The following CD72 variants were observed in gnomAD, a reference collection of about 807,000 sequenced individuals.
The protein encoded by CD72 is CD72 molecule, also known as B-cell differentiation antigen CD72.
A neutral mutation model predicts 50.7 loss-of-function variants in CD72; 28 were observed. The ratio of observed to expected loss-of-function variants is 0.55; its 90% CI spans 0.41 to 0.76. The LOEUF (loss-of-function observed/expected upper bound fraction) is 0.76. Ranked by LOEUF, CD72 falls within the 30% of genes least tolerant of loss-of-function variation. The probability of loss-of-function intolerance (pLI) is 0.00; values close to 1 mark genes in which losing one functional copy is unlikely to be tolerated. For missense variants in CD72, 403 were observed against 420.6 expected, an observed-to-expected ratio of 0.96 and a Z score of 0.37; for synonymous variants, 176 against 171.2, an observed-to-expected ratio of 1.03 and a Z score of -0.22.
At chr9:35,615,922 T>A in intron 5 of CD72, 21 bp downstream of exon 5, 8 of 1,590,680 alleles carry the variant, frequency 5.0e-6, no homozygotes, top group Non-Finnish European at 6.9e-6. Flanking sequence ...CTCCCTTCTC[T>A]CCTCTCCCCA....
At chr9:35,644,273 G>A (rs1823366275) in intron 1 of CD72, among the ~76,000 whole-genome samples, 1 of 150,854 alleles carries the variant, frequency 6.6e-6, no homozygotes, top group Non-Finnish European at 1.5e-5. Context: ...TTGAAACCAG[G>A]GGTGGGGTGG....
chr9:35,617,018 C>T (rs1394272577), intron 3 of CD72, 158 bp downstream of exon 3: 4 of 1,454,478 alleles, frequency 2.8e-6, no homozygotes, highest in Non-Finnish European at 3.6e-6. Context: ...TTCAGGCGCA[C>T]CGGATGAAGG....
At chr9:35,624,214 AAATAATAATAATAATAATAATAATAAT>A (rs58480562), upstream of CD72, among the ~76,000 whole-genome samples, 1 of 137,854 alleles carries the variant, frequency 7.3e-6, no homozygotes, top group African/African-American at 2.7e-5. Flanking sequence ...TCTGTCTCAA[AAATAATAATAATAATAATAATAATAAT>A]AATAATAATA....
chr9:35,639,210 T>C (rs1823318189), intron 1 of CD72, among the ~76,000 whole-genome samples: 1 of 151,944 alleles, frequency 6.6e-6, no homozygotes, highest in African/African-American at 2.4e-5. Context: ...CCTTGGGTAA[T>C]AAAATAATAA....
upstream of CD72, chr9:35,618,755 C>G: frequency 7.8e-7 from 1 of 1,286,972 alleles, no homozygotes; most frequent in African/African-American, 1.5e-5. Context: ...GACGATCTCC[C>G]CAGCTCCAGG....
Position 35,610,717 on chromosome 9 carries a change from A to G in CD72, c.987T>C (p.His329=). ...YAQSSKCNKV[H]KTWSWWTLES... ...CCAGTGTCCACCATGACCAAGTTTTATGTACCTTGTTACATTTTGAGCTTT... is the reference window on the plus strand; with the variant it reads ...CCAGTGTCCACCATGACCAAGTTTTGTGTACCTTGTTACATTTTGAGCTTT... The change falls in exon 8 of 9, where the codon CAT becomes CAC. Residue 329 remains histidine, a synonymous_variant. Coordinates refer to ENST00000259633, the MANE Select transcript of CD72 (RefSeq NM_001782.3). 6.2e-7 allele frequency: 1 copy of G among 1,612,888 alleles called. No homozygotes were observed. The highest frequency in any genetic ancestry group is 1.1e-5 in the South Asian group (1 of 91,062).
intron 7 of CD72, 129 bp downstream of exon 7, chr9:35,611,675 A>G: frequency 3.3e-6 from 2 of 605,340 alleles, no homozygotes; most frequent in Non-Finnish European, 5.9e-6. Flanking sequence ...GGAAACAGAC[A>G]AATAGGCAAT....
At chr9:35,642,394 G>A (rs1823348524) in intron 1 of CD72, 1 of 152,172 alleles carries the variant, frequency 6.6e-6, no homozygotes, top group African/African-American at 2.4e-5. Context: ...TACATCATGA[G>A]ATGGCCACAC....
intron 1 of CD72, among the ~76,000 whole-genome samples, chr9:35,645,356 T>A (rs1223598866): frequency 6.6e-6 from 1 of 152,010 alleles, no homozygotes; most frequent in East Asian, 1.9e-4. Flanking sequence ...TCCCAGCGGG[T>A]GGATCACTTG....
upstream of CD72, among the ~76,000 whole-genome samples, chr9:35,622,940 C>G (rs1244357166): frequency 6.6e-6 from 1 of 152,052 alleles, no homozygotes; most frequent in Non-Finnish European, 1.5e-5. Context: ...GACTCCATCT[C>G]TACAAAAAAT....
At chr9:35,625,533 A>G (rs1023091759) in intron 1 of CD72, among the ~76,000 whole-genome samples, 1 of 152,272 alleles carries the variant, frequency 6.6e-6, no homozygotes, top group Non-Finnish European at 1.5e-5. Flanking sequence ...GTTATCCAGA[A>G]GATCTAACTA....
upstream of CD72, chr9:35,618,732 C>T (rs950141259): frequency 1.1e-5 from 14 of 1,262,542 alleles, no homozygotes; most frequent in Non-Finnish European, 1.5e-5. Context: ...GTAGCTGGAG[C>T]TGCACTGACC....
In CD72 at chr9:35,610,865, C is replaced by T. The variant is rs1362815601; in HGVS notation, c.951-112G>A. The T allele has an allele frequency of 2.5e-5, 20 of 805,158 alleles. 1 individual carries two copies. Among genetic ancestry groups the T allele is most frequent in the South Asian group, 2.4e-4 (15 of 63,312 alleles). 49.9% of individuals were successfully genotyped at this position (805,158 alleles called of 1,614,324 possible). ...CCTAACTCACCCTGCCTGCCTAAGG[C>T]CACATCTGGGCATGGTTCAGGACAG... On this transcript the variant is annotated intron_variant, in intron 7 of 8. Transcript: ENST00000259633.
chr9:35,619,225 G>A (rs1823118554), upstream of CD72, among the ~76,000 whole-genome samples: 1 of 152,170 alleles, frequency 6.6e-6, no homozygotes, highest in Admixed American at 6.5e-5. Context: ...GGGACCGCGA[G>A]GCCCTCATAG....
chr9:35,640,739 C>T (rs1823333131), intron 1 of CD72, among the ~76,000 whole-genome samples: 1 of 152,220 alleles, frequency 6.6e-6, no homozygotes, highest in Non-Finnish European at 1.5e-5. Context: ...CCGTAACAAA[C>T]ATGGACCAGA....
intron 1 of CD72, among the ~76,000 whole-genome samples, chr9:35,636,018 CT>C (rs1344810591): frequency 7.2e-5 from 11 of 152,128 alleles, no homozygotes; most frequent in Admixed American, 3.3e-4. Flanking sequence ...GGAACTATGA[CT>C]GGGAGTAGGA....
At position 35,618,247 on chromosome 9, in the gene CD72, C is replaced by G. The variant is rs780797293; in HGVS notation, c.57G>C (p.Lys19Asn). ...CCTGTCCTAACCGGCTGGAGATGCT[C>G]TTCTTCAGGGGAGCCTTCACAAACC... ...DLRFVKAPLKKSISSRLGQDP... is the reference protein window; with the variant it reads ...DLRFVKAPLKNSISSRLGQDP... The change falls in exon 1 of 9, where the codon AAG becomes AAC. Residue 19 changes from lysine (K) to asparagine (N), a missense_variant. By Grantham distance (94) the Lys-to-Asn change is moderately conservative. Transcript: ENST00000259633. 1.2e-6 allele frequency: 2 copies of G among 1,614,172 alleles called. No individual in the cohort carries two copies. The highest frequency in any genetic ancestry group is 1.3e-5 in the African/African-American group (1 of 75,038).
chr9:35,630,102 C>T (rs1231724391), intron 1 of CD72, among the ~76,000 whole-genome samples: 1 of 149,202 alleles, frequency 6.7e-6, no homozygotes, highest in African/African-American at 2.5e-5. Context: ...TGCAGCCGCG[C>T]GTCTCAGCTC....
In CD72 at chr9:35,628,265, G is replaced by A. The variant is rs192056773; in HGVS notation, n.409-10144C>T. Among the ~76,000 whole-genome samples, 367 of 152,326 alleles carry A rather than the reference G, an allele frequency of 2.4e-3. 7 individuals carry two copies. The highest frequency in any genetic ancestry group is 4.3e-4 in the Non-Finnish European group (29 of 68,034). On this transcript the variant is annotated intron_variant and non_coding_transcript_variant, in intron 1 of 3. Transcript: ENST00000465754. Reference sequence around the variant, plus strand: ...CTACAGGCACGTGTTACCAGGGCCAGCTTATTCCTCTTCTTCCTCCTCCTT... The same window carrying A: ...CTACAGGCACGTGTTACCAGGGCCAACTTATTCCTCTTCTTCCTCCTCCTT...
Sources: allele counts gnomAD v4.1 joint callset (sites outside exome capture counted in the v4.1 genomes callset), GRCh38; gene constraint gnomAD v4.1.1; transcripts MANE v1.5; gene names NCBI Gene and HGNC (gene_info 2026-07-23, HGNC 2026-07-21).